AGRN: variants seen among roughly 807,000 people sequenced by gnomAD.
The protein encoded by AGRN is agrin, also known as agrin proteoglycan.
A neutral mutation model predicts 211.0 loss-of-function variants in AGRN; 106 were observed. The ratio of observed to expected loss-of-function variants is 0.50; its 90% CI spans 0.43 to 0.59. The LOEUF (loss-of-function observed/expected upper bound fraction) is 0.59. Ranked by LOEUF, AGRN falls within the 20% of genes least tolerant of loss-of-function variation. The pLI, the probability that AGRN is intolerant of heterozygous loss-of-function variation, is 0.00. For missense variants in AGRN, 3,040 were observed against 2,982.6 expected (o/e 1.02, Z -0.45); for synonymous variants, 1,525 against 1,332.5 (o/e 1.14, Z -3.15).
Position 1,031,835 on chromosome 1 carries a change from C to T in AGRN, c.464-3442C>T, listed in dbSNP as rs545171669. Among the ~76,000 whole-genome samples, 11 of 152,290 alleles carry T rather than the reference C, an allele frequency of 7.2e-5. No individual in the cohort carries two copies. The South Asian group carries it at 1.7e-3, about 23-fold the overall frequency. On this transcript the variant is annotated intron_variant, in intron 2 of 35. Transcript: ENST00000379370. This position sits in a 1 kb window ranked among gnomAD's most constrained non-coding sequence, Gnocchi z 4.8. ...AAGGTGGTGGCAGCAGGCGGGCTGG[C>T]GCGTGACCTGGTAGCACGGCCTGGG...
In AGRN at chr1:1,050,578, G is replaced by A. The variant is rs1357149097; in HGVS notation, c.5128G>A (p.Ala1710Thr). Residue 1710 changes from alanine to threonine, a missense_variant, in exon 29 of 36, where the codon GCA becomes ACA. Around this residue, in one of 3 missense-constraint regions of AGRN, gnomAD observed 1,537 missense variants for 1,505.0 expected, o/e 1.02. Transcript: ENST00000379370. The stretch of plus-strand genomic sequence containing the variant: ...GTTCCGCTACGACCTGGGCAAGGGG[G>A]CAGCGGTCATCAGGTGGGCCGGCAA... ...LEFRYDLGKGAAVIRSREPVT... is the reference protein window; with the variant it reads ...LEFRYDLGKGTAVIRSREPVT... 5 of 1,610,366 alleles carry A rather than the reference G, an allele frequency of 3.1e-6. No individual in the cohort carries two copies. In the South Asian group the frequency reaches 3.3e-5, roughly 11 times the overall value.
At chr1:1,020,932 C>T (rs1644388020) in intron 1 of AGRN, among the ~76,000 whole-genome samples, 1 of 151,058 alleles carries the variant, frequency 6.6e-6, no homozygotes, top group Admixed American at 6.6e-5. Flanking sequence ...TGCCCCATCG[C>T]GCTCCTGCGG....
Position 1,043,973 on chromosome 1 carries a change from G to T in AGRN, c.1949G>T (p.Cys650Phe). The change falls in exon 10 of 36, where the codon TGC becomes TTC. Residue 650 changes from cysteine to phenylalanine, a missense_variant. By Grantham distance (205) the Cys-to-Phe change is radical. Around this residue, in one of 3 missense-constraint regions of AGRN, gnomAD observed 1,498 missense variants for 1,457.8 expected, o/e 1.03. Coordinates refer to ENST00000379370, the MANE Select transcript of AGRN (RefSeq NM_198576.4). Reference sequence around the variant, plus strand: ...GCCTGCGAGCTACGGGAAGCCGCCTGCCTCCAGCAGACACAGATCGAGGAG... The same window carrying T: ...GCCTGCGAGCTACGGGAAGCCGCCTTCCTCCAGCAGACACAGATCGAGGAG... ...GSACELREAA[C>F]LQQTQIEEAR... The T allele has an allele frequency of 6.2e-7, 1 of 1,606,448 alleles. No homozygotes were observed. Among genetic ancestry groups the T allele is most frequent in the Non-Finnish European group, 8.5e-7 (1 of 1,178,982 alleles).
chr1:1,051,883 C>T (rs940921324), intron 33 of AGRN, 68 bp downstream of exon 33: 1 of 1,593,730 alleles, frequency 6.3e-7, no homozygotes. Context: ...CGGACCCCCA[C>T]ACCAGGAGGG....
At chr1:1,037,917 G>A (rs1471861247) in intron 3 of AGRN, among the ~76,000 whole-genome samples, 1 of 152,180 alleles carries the variant, frequency 6.6e-6, no homozygotes, top group African/African-American at 2.4e-5. Flanking sequence ...GTCTTCAGGT[G>A]ATCTCGTGTG....
chr1:1,020,506 CG>C, intron 1 of AGRN, 133 bp downstream of exon 1: 1 of 862,228 alleles, frequency 1.2e-6, no homozygotes, highest in Non-Finnish European at 1.6e-6. Flanking sequence ...CGCCAAGCCC[CG>C]GGAGGGGGGG....
At chr1:1,030,865 T>C (rs1385356015) in intron 2 of AGRN, among the ~76,000 whole-genome samples, 10 of 101,666 alleles carry the variant, frequency 9.8e-5, no homozygotes, top group African/African-American at 1.6e-4. Context: ...GTGTGTGCAG[T>C]GCATGGTGCT....
In AGRN at chr1:1,041,552, C is replaced by G. The variant is rs1423453030; in HGVS notation, c.1027C>G (p.Leu343Val). The G allele has an allele frequency of 6.2e-7, 1 of 1,608,150 alleles. No homozygotes were observed. The highest frequency in any genetic ancestry group is 8.5e-7 in the Non-Finnish European group (1 of 1,179,322). The change falls in exon 6 of 36, where the codon CTC (leucine) becomes GTC (valine). Residue 343 changes from leucine (L) to valine (V), a missense_variant. By Grantham distance (32) the Leu-to-Val change is conservative (BLOSUM62 1). Coordinates refer to ENST00000379370, the MANE Select transcript of AGRN (RefSeq NM_198576.4). ...CCCGCGCACGCGGCGCCCTGAGATGCTCCTACGGCCCGAGAGCTGCCCTGC... is the reference window on the plus strand; with the variant it reads ...CCCGCGCACGCGGCGCCCTGAGATGGTCCTACGGCCCGAGAGCTGCCCTGC... ...VNPRTRRPEM[L>V]LRPESCPARQ... is the part of the protein sequence containing the mutation.
chr1:1,043,606 G>C lies in AGRN; in HGVS notation c.1672G>C (p.Glu558Gln). Residue 558 changes from glutamate (E) to glutamine (Q), a missense_variant, in exon 9 of 36, where the codon GAA (glutamate) becomes CAA (glutamine). Transcript: ENST00000379370. ...GACCGGGCGCTGCGTGTGCCCCTCT[G>C]AATGCGTGGCTTTGGCCCAGCCCGT... ...AETGRCVCPS[E>Q]CVALAQPVCG... is the part of the protein sequence containing the mutation. The C allele has an allele frequency of 1.2e-6, 2 of 1,604,878 alleles. No individual in the cohort carries two copies. The highest frequency in any genetic ancestry group is 1.1e-5 in the South Asian group (1 of 91,056).
In AGRN at chr1:1,041,199, A is replaced by G. The variant is rs1644925047; in HGVS notation, c.754A>G (p.Thr252Ala). ...CGSRDPCSNV[T>A]CSFGSTCARS... Reference sequence around the variant, plus strand: ...CTCGCGGGACCCCTGCTCCAACGTGACCTGCAGCTTCGGCAGCACCTGTGC... The same window carrying G: ...CTCGCGGGACCCCTGCTCCAACGTGGCCTGCAGCTTCGGCAGCACCTGTGC... Residue 252 changes from threonine to alanine, a missense_variant, in exon 5 of 36, where the codon ACC becomes GCC. By Grantham distance (58) the Thr-to-Ala change is moderately conservative. Transcript: ENST00000379370. 1 of 1,465,376 alleles carries G rather than the reference A, an allele frequency of 6.8e-7. No homozygotes were observed. Among genetic ancestry groups the G allele is most frequent in the Admixed American group, 2.4e-5 (1 of 41,312 alleles). 90.8% of individuals were successfully genotyped at this position (1,465,376 alleles called of 1,614,324 possible).
At chr1:1,022,868 A>G (rs2001744) in intron 2 of AGRN, among the ~76,000 whole-genome samples, 56,870 of 152,186 alleles carry the variant, frequency 0.37, 10,987 homozygotes, top group African/African-American at 0.42. Flanking sequence ...CTCGCCGTGG[A>G]GATCGGGCGG....
intron 2 of AGRN, 154 bp from the exon 3 acceptor site, chr1:1,035,123 G>A: frequency 1.2e-6 from 1 of 861,052 alleles, no homozygotes; most frequent in Non-Finnish European, 1.9e-6. Context: ...CAGCCCATGG[G>A]GTCAGGGCTG....
Position 1,048,926 on chromosome 1 carries a change from C to G in AGRN, c.4165C>G (p.Arg1389Gly), listed in dbSNP as rs775753706. The change falls in exon 24 of 36, where the codon CGC becomes GGC. Residue 1389 changes from arginine to glycine, a missense_variant. By Grantham distance (125) the Arg-to-Gly change is moderately radical. Transcript: ENST00000379370. The surrounding 1 kb of genome is among the most constrained non-coding windows in gnomAD (Gnocchi z 5.9). ...GRSFLAFPTL[R>G]AYHTLRLALE... ...CTCCTTCCTGGCCTTCCCCACTCTC[C>G]GCGCCTACCACACGCTGCGCCTGGC... is the stretch of plus-strand genomic sequence containing the variant. The G allele has an allele frequency of 6.4e-7, 1 of 1,560,708 alleles. No homozygotes were observed. Among genetic ancestry groups the G allele is most frequent in the Admixed American group, 1.9e-5 (1 of 53,404 alleles).
Position 1,048,875 on chromosome 1 carries a change from G to T in AGRN, c.4114G>T (p.Ala1372Ser). 1 of 1,536,662 alleles carries T rather than the reference G, an allele frequency of 6.5e-7. No homozygotes were observed. Residue 1372 changes from alanine to serine, a missense_variant, in exon 24 of 36, where the codon GCC (alanine) becomes TCC (serine). This residue lies in a region of AGRN where 1,537 missense variants were observed against 1,505.0 expected (regional missense o/e 1.02). Coordinates refer to ENST00000379370, the MANE Select transcript of AGRN (RefSeq NM_198576.4). This position sits in a 1 kb window ranked among gnomAD's most constrained non-coding sequence, Gnocchi z 5.9. ...GGAVCEKVLG[A>S]PVPAFEGRSF... ...CCGGTCGCCCTTTGCAGTGCTTGGC[G>T]CCCCTGTGCCGGCCTTCGAGGGCCG...
intron 7 of AGRN, among the ~76,000 whole-genome samples, chr1:1,042,948 G>T (rs1465878812): frequency 6.6e-6 from 1 of 152,136 alleles, no homozygotes; most frequent in Non-Finnish European, 1.5e-5. Flanking sequence ...GGCCTGGGCA[G>T]GCTGGGGAAG....
In AGRN at chr1:1,050,537, G is replaced by A. The variant is rs202223206; in HGVS notation, c.5087G>A (p.Arg1696Gln). Residue 1696 changes from arginine to glutamine, a missense_variant, in exon 29 of 36, where the codon CGG becomes CAG. Transcript: ENST00000379370. Reference protein sequence around the residue: ...GKGDFVSLALRDRRLEFRYDL... With the variant: ...GKGDFVSLALQDRRLEFRYDL... ...GGGGACTTCGTGTCGCTGGCACTGC[G>A]GGACCGCCGCCTGGAGTTCCGCTAC... 8.1e-6 allele frequency: 13 copies of A among 1,612,538 alleles called. No individual in the cohort carries two copies. The highest frequency in any genetic ancestry group is 3.3e-5 in the South Asian group (3 of 91,066).
At chr1:1,022,166 A>C (rs770865981) in intron 1 of AGRN, 35 bp from the exon 2 acceptor site, 1 of 1,612,616 alleles carries the variant, frequency 6.2e-7, no homozygotes, top group South Asian at 1.1e-5. Context: ...TCCCCAGGAG[A>C]GGACTAATGA....
chr1:1,050,904 G>A lies in AGRN; in HGVS notation c.5253+67G>A, dbSNP rs770540554. 8.6e-5 allele frequency: 131 copies of A among 1,526,332 alleles called. No homozygotes were observed. In the East Asian group the frequency reaches 1.2e-3, roughly 14 times the overall value. The allele number at this position is 1,526,332 out of a possible 1,614,324, so 94.5% of individuals were successfully genotyped here. A position where few individuals can be genotyped will look rare whatever the true frequency, so the allele number is the denominator to read the frequency against. On this transcript the variant is annotated intron_variant, in intron 30 of 35. Transcript: ENST00000379370. ...CTCTTCCTCCTCGGGCGGCAGCCCC[G>A]CCCCTGCCGGCGCTCACGGAGCTGT...
Position 1,045,526 on chromosome 1 carries a change from G to T in AGRN, c.2536+3G>T, listed in dbSNP as rs747771295. 31 of 1,612,542 alleles carry T rather than the reference G, an allele frequency of 1.9e-5. No homozygotes were observed. The South Asian group carries it at 3.2e-4, about 17-fold the overall frequency. ...CGATGGCCGGAGTGGCTGTACACGT[G>T]AGTGACAGGGCCCAGGACTGGCCAC... is the stretch of plus-strand genomic sequence containing the variant. On this transcript the variant is annotated splice_donor_region_variant and intron_variant, in intron 14 of 35. Coordinates refer to ENST00000379370, the MANE Select transcript of AGRN (RefSeq NM_198576.4).
Sources: gnomAD v4.1 joint callset for allele counts (sites outside exome capture counted in the v4.1 genomes callset) on GRCh38, gnomAD v4.1.1 for gene constraint, gnomAD v4.1.1 regional missense constraint, Gnocchi (gnomAD v3.1) non-coding constraint, MANE v1.5 for transcripts, NCBI Gene and HGNC (gene_info 2026-07-23, HGNC 2026-07-21) for gene names.